The following RNF180 variants were observed in gnomAD, a reference collection of about 807,000 sequenced individuals.
RNF180 encodes ring finger protein 180.
In RNF180, 38 loss-of-function variants were observed where a neutral mutation model predicts 59.2. The ratio of observed to expected loss-of-function variants is 0.64; its 90% CI spans 0.50 to 0.84. The LOEUF (loss-of-function observed/expected upper bound fraction) is 0.84. Ranked by LOEUF, RNF180 falls within the 40% of genes least tolerant of loss-of-function variation. The pLI is 0.00. For missense variants in RNF180, 705 were observed against 700.9 expected (o/e 1.01, Z -0.07); for synonymous variants, 262 against 240.3 (o/e 1.09, Z -0.84).
At position 64,224,678 on chromosome 5, in the gene RNF180, A is replaced by G. The variant is rs142952039; in HGVS notation, c.1227+7282A>G. 1.1e-4 allele frequency among the ~76,000 whole-genome samples: 16 copies of G among 152,276 alleles called. No homozygotes were observed. The East Asian group carries it at 3.1e-3, about 29-fold the overall frequency. On this transcript the variant is annotated intron_variant, in intron 5 of 7. Coordinates refer to ENST00000389100, the MANE Select transcript of RNF180 (RefSeq NM_001113561.2). ...TGACGTCCTCAGGCACTGGGGGGAA[A>G]TGTCAGTTGGGAGGTAGGAGAACAG...
At chr5:64,355,931 G>C in intron 7 of RNF180, among the ~76,000 whole-genome samples, 1 of 151,962 alleles carries the variant, frequency 6.6e-6, no homozygotes, top group East Asian at 1.9e-4. Context: ...GTAAAATAAA[G>C]AGGGGTAAAT....
At chr5:64,369,148 A>T (rs182607103) in intron 7 of RNF180, among the ~76,000 whole-genome samples, 1 of 152,190 alleles carries the variant, frequency 6.6e-6, no homozygotes, top group East Asian at 1.9e-4. Flanking sequence ...TGATGAGTTC[A>T]TGTCCTTTGT....
At chr5:64,283,001 G>A (rs555026139) in intron 5 of RNF180, among the ~76,000 whole-genome samples, 6 of 152,308 alleles carry the variant, frequency 3.9e-5, no homozygotes, top group Non-Finnish European at 7.4e-5. Context: ...GAGTTCTGTA[G>A]ATGCCTGTTA....
rs115846555 is a variant in RNF180 at position 64,233,963 on chromosome 5, T to G, written c.1227+16567T>G. Among the ~76,000 whole-genome samples, 529 of 152,242 alleles carry G rather than the reference T, an allele frequency of 3.5e-3. 2 individuals are homozygous for G. The highest frequency in any genetic ancestry group is 0.012 in the African/African-American group (480 of 41,528). On this transcript the variant is annotated intron_variant, in intron 5 of 7. Transcript: ENST00000389100. ...AGAAAACTTATCATACTACATGGCT[T>G]GTAAGTTGGAGAGAGGCAGTATAAT...
At chr5:64,195,899 T>C (rs538549672) in intron 1 of RNF180, among the ~76,000 whole-genome samples, 38 of 152,296 alleles carry the variant, frequency 2.5e-4, no homozygotes, top group African/African-American at 8.4e-4. Flanking sequence ...CATTAAGACA[T>C]GCCAATTAAT....
At chr5:64,201,375 A>T (rs1342616890) in intron 2 of RNF180, among the ~76,000 whole-genome samples, 1 of 152,176 alleles carries the variant, frequency 6.6e-6, no homozygotes, top group Non-Finnish European at 1.5e-5. Context: ...GTGTTAATAT[A>T]AAAGTAACCC....
At chr5:64,289,272 G>A (rs1049632360) in intron 5 of RNF180, among the ~76,000 whole-genome samples, 5 of 152,144 alleles carry the variant, frequency 3.3e-5, no homozygotes, top group Admixed American at 6.5e-5. Context: ...GCTTTTTGAT[G>A]TGCTGCTGGA....
Position 64,365,505 on chromosome 5 carries a change from T to G in RNF180, c.1580-4110T>G, listed in dbSNP as rs568088844. Among the ~76,000 whole-genome samples the G allele has an allele frequency of 2.0e-5, 3 of 151,800 alleles. No individual in the cohort carries two copies. In the South Asian group the frequency reaches 6.2e-4, roughly 31 times the overall value. Reference sequence around the variant, plus strand: ...TTGGGGGTTGAGAGTTCTGTCCATTTGGTCAAGTGTCAAGTTCAGGTCCCG... The same window carrying G: ...TTGGGGGTTGAGAGTTCTGTCCATTGGGTCAAGTGTCAAGTTCAGGTCCCG... On this transcript the variant is annotated intron_variant, in intron 7 of 7. Transcript: ENST00000389100.
At chr5:64,275,311 T>C (rs186177307) in intron 5 of RNF180, among the ~76,000 whole-genome samples, 2 of 146,846 alleles carry the variant, frequency 1.4e-5, no homozygotes, top group African/African-American at 5.0e-5. Flanking sequence ...GAATAAGATA[T>C]AGAATTCTCT....
intron 5 of RNF180, among the ~76,000 whole-genome samples, chr5:64,286,739 C>CTA (rs1742311104): frequency 6.6e-6 from 1 of 152,100 alleles, no homozygotes; most frequent in East Asian, 1.9e-4. Context: ...AAGGTATTAA[C>CTA]TATATATATG....
intron 5 of RNF180, among the ~76,000 whole-genome samples, chr5:64,264,571 T>A (rs1744546905): frequency 6.6e-6 from 1 of 152,224 alleles, no homozygotes; most frequent in South Asian, 2.1e-4. Flanking sequence ...GATTCTTTTT[T>A]GTGGCTGTAT....
intron 5 of RNF180, among the ~76,000 whole-genome samples, chr5:64,241,302 G>A (rs1208956694): frequency 2.0e-5 from 3 of 152,196 alleles, no homozygotes; most frequent in African/African-American, 7.2e-5. Flanking sequence ...GATTGACTGT[G>A]TGTCATTATT....
intron 5 of RNF180, among the ~76,000 whole-genome samples, chr5:64,305,242 A>T (rs185212231): frequency 3.2e-4 from 49 of 151,550 alleles, no homozygotes; most frequent in African/African-American, 1.1e-3. Flanking sequence ...GGTATACTAG[A>T]TTTGGTCTTT....
rs199662799 is a variant in RNF180, at chr5:64,314,287, CA to C, written c.1228-10898del. Among the ~76,000 whole-genome samples the C allele has an allele frequency of 4.5e-3, 588 of 131,994 alleles. 3 individuals carry two copies. The highest frequency in any genetic ancestry group is 0.019 in the African/African-American group (569 of 30,336). The allele number at this position is 131,994 out of a possible 152,430, so 86.6% of individuals were successfully genotyped here. ...TGTCCTAAAATCTACAGCATGCCAACATTTTTTTTTACTACTTCTTCCTCTT... is the reference window on the plus strand; with the variant it reads ...TGTCCTAAAATCTACAGCATGCCAACTTTTTTTTTACTACTTCTTCCTCTT... On this transcript the variant is annotated intron_variant, in intron 5 of 7. Transcript: ENST00000389100.
intron 5 of RNF180, among the ~76,000 whole-genome samples, chr5:64,322,164 T>G (rs1744385351): frequency 1.3e-5 from 2 of 152,174 alleles, no homozygotes; most frequent in Admixed American, 6.5e-5. Context: ...AAATAGGATC[T>G]AATTAAGCTA....
intron 5 of RNF180, among the ~76,000 whole-genome samples, chr5:64,240,495 A>T (rs961102696): frequency 4.6e-5 from 7 of 152,362 alleles, no homozygotes; most frequent in African/African-American, 1.4e-4. Flanking sequence ...GCAGTTAAAC[A>T]TGCTAACATG....
intron 7 of RNF180, among the ~76,000 whole-genome samples, chr5:64,354,225 CAAAGAT>C (rs1269296008): frequency 6.6e-6 from 1 of 151,378 alleles, no homozygotes; most frequent in Non-Finnish European, 1.5e-5. Flanking sequence ...CCTACACTGA[CAAAGAT>C]AAAAGAGAGA....
intron 7 of RNF180, among the ~76,000 whole-genome samples, chr5:64,355,608 A>T (rs894931650): frequency 2.0e-5 from 3 of 151,964 alleles, no homozygotes; most frequent in Non-Finnish European, 4.4e-5. Context: ...AACCAAAAAA[A>T]ATCCTGAAAA....
At chr5:64,324,490 G>T (rs997574355) in intron 5 of RNF180, among the ~76,000 whole-genome samples, 4 of 151,976 alleles carry the variant, frequency 2.6e-5, no homozygotes, top group East Asian at 1.9e-4. Context: ...CTGGAAATCG[G>T]TTTTTTTTCT....
Sources: allele counts gnomAD v4.1 joint callset (sites outside exome capture counted in the v4.1 genomes callset), GRCh38; gene constraint gnomAD v4.1.1; transcripts MANE v1.5; gene names NCBI Gene and HGNC (gene_info 2026-07-23, HGNC 2026-07-21).